The following PAFAH1B1 variants were observed in gnomAD, a reference collection of about 807,000 sequenced individuals.
PAFAH1B1 encodes platelet activating factor acetylhydrolase 1b regulatory subunit 1.
Under a neutral mutation model 57.5 loss-of-function variants are expected in PAFAH1B1, and 2 were observed. That is an observed-to-expected ratio of 0.03 (90% confidence interval 0.01 to 0.11). PAFAH1B1 has a LOEUF of 0.11. Among genes scored for constraint, PAFAH1B1 ranks in the 10% least tolerant of loss-of-function variants. PAFAH1B1 has a pLI of 1.00. For synonymous variants in PAFAH1B1, 152 were observed against 169.6 expected (o/e 0.90, Z 0.81); for missense variants, 257 against 512.0 (o/e 0.50, Z 4.81).
intron 1 of PAFAH1B1, among the ~76,000 whole-genome samples, chr17:2,618,601 C>G (rs901356636): frequency 6.6e-6 from 1 of 151,910 alleles, no homozygotes; most frequent in Non-Finnish European, 1.5e-5. Context: ...AATTATTTGA[C>G]TGCATTATAG....
chr17:2,611,481 A>T (rs530344487), intron 1 of PAFAH1B1, among the ~76,000 whole-genome samples: 2 of 152,012 alleles, frequency 1.3e-5, no homozygotes, highest in South Asian at 4.2e-4. Flanking sequence ...GCAAAAAAAA[A>T]AAATAAAAAA....
intron 7 of PAFAH1B1, among the ~76,000 whole-genome samples, chr17:2,673,441 C>T (rs1196825914): frequency 6.6e-6 from 1 of 152,008 alleles, no homozygotes; most frequent in Non-Finnish European, 1.5e-5. Flanking sequence ...AGATCGAGAC[C>T]GTCCTGGCTA....
chr17:2,660,216 T>A (rs2068996358), intron 2 of PAFAH1B1, among the ~76,000 whole-genome samples: 2 of 152,158 alleles, frequency 1.3e-5, no homozygotes, highest in Admixed American at 1.3e-4. Context: ...CTTAGCCTTT[T>A]CAGTGTATCT....
chr17:2,652,918 GTA>G (rs1282684144), intron 2 of PAFAH1B1, among the ~76,000 whole-genome samples: 4 of 152,176 alleles, frequency 2.6e-5, no homozygotes, highest in South Asian at 4.1e-4. Context: ...CCATTACTGG[GTA>G]TATATACCCA....
intron 1 of PAFAH1B1, among the ~76,000 whole-genome samples, chr17:2,633,365 G>C (rs1284345542): frequency 6.6e-6 from 1 of 151,178 alleles, no homozygotes; most frequent in Non-Finnish European, 1.5e-5. Context: ...ATGGGGTTTC[G>C]CCATGTTGGT....
chr17:2,593,758 A>C lies in PAFAH1B1; in HGVS notation c.-439A>C. On this transcript the variant is annotated 5_prime_UTR_variant, in exon 1 of 11. Transcript: ENST00000397195. Reference sequence around the variant, plus strand: ...GGGAGTCTAGGGAGCGAGAAGGAGAAGGAGGGGAGCGCTCGGGCGCGAGCG... The same window carrying C: ...GGGAGTCTAGGGAGCGAGAAGGAGACGGAGGGGAGCGCTCGGGCGCGAGCG... The C allele has an allele frequency of 2.6e-6, 1 of 377,444 alleles. No individual in the cohort carries two copies. Among genetic ancestry groups the C allele is most frequent in the Non-Finnish European group, 4.7e-6 (1 of 212,636 alleles). The allele number at this position is 377,444 out of a possible 1,614,324, so 23.4% of individuals were successfully genotyped here.
At chr17:2,637,556 C>G (rs1268051360) in intron 1 of PAFAH1B1, among the ~76,000 whole-genome samples, 1 of 152,090 alleles carries the variant, frequency 6.6e-6, no homozygotes, top group African/African-American at 2.4e-5. Flanking sequence ...TGCACTCCAA[C>G]CTGTGTGAGA....
chr17:2,675,070 C>T (rs557862125), intron 8 of PAFAH1B1, among the ~76,000 whole-genome samples: 7 of 152,278 alleles, frequency 4.6e-5, no homozygotes, highest in South Asian at 4.1e-4. Flanking sequence ...AGCGTGATCT[C>T]GGCTCACTGC....
At chr17:2,595,191 A>G (rs2068071486) in intron 1 of PAFAH1B1, among the ~76,000 whole-genome samples, 1 of 152,172 alleles carries the variant, frequency 6.6e-6, no homozygotes, top group Admixed American at 6.5e-5. Context: ...CCGGACAAAT[A>G]GAGATATTAC....
rs372088536 is a variant in PAFAH1B1, at chr17:2,595,332, C to A, written c.-191+1326C>A. On this transcript the variant is annotated intron_variant, in intron 1 of 10. Coordinates refer to ENST00000397195, the MANE Select transcript of PAFAH1B1 (RefSeq NM_000430.4). The stretch of plus-strand genomic sequence containing the variant: ...GGGGTGGGTTATTTTGTGTGAATTT[C>A]TTTTCGAGGCTAGGGCGGAGGAGAC... Among the ~76,000 whole-genome samples the A allele has an allele frequency of 2.6e-4, 39 of 151,404 alleles. No individual in the cohort carries two copies. The East Asian group carries it at 5.2e-3, about 20-fold the overall frequency.
chr17:2,673,651 C>A (rs1309289014), intron 7 of PAFAH1B1: 7 of 180,304 alleles, frequency 3.9e-5, no homozygotes, highest in African/African-American at 7.2e-5. Context: ...AAAAAAAAAA[C>A]AAAAAGTAAA....
At chr17:2,598,850 C>G (rs1253265929) in intron 1 of PAFAH1B1, among the ~76,000 whole-genome samples, 1 of 152,082 alleles carries the variant, frequency 6.6e-6, no homozygotes, top group African/African-American at 2.4e-5. Flanking sequence ...TTTGGCATGG[C>G]ACTTTTTGGC....
chr17:2,617,050 G>A (rs182876125), intron 1 of PAFAH1B1, among the ~76,000 whole-genome samples: 144 of 152,254 alleles, frequency 9.5e-4, no homozygotes, highest in African/African-American at 3.4e-3. Flanking sequence ...TCCAGCCTGG[G>A]CGACAGAACG....
At chr17:2,679,480 GGATGGATGGATGGATGGATGATT>G (rs1487362365) in intron 9 of PAFAH1B1, among the ~76,000 whole-genome samples, 1 of 6,052 alleles carries the variant, frequency 1.7e-4, no homozygotes, top group Non-Finnish European at 3.8e-4. Flanking sequence ...ATGGATGATT[GGATGGATGGATGGATGGATGATT>G]GGATGGATGG....
chr17:2,617,612 A>T (rs2068361860), intron 1 of PAFAH1B1, among the ~76,000 whole-genome samples: 1 of 152,152 alleles, frequency 6.6e-6, no homozygotes, highest in Non-Finnish European at 1.5e-5. Flanking sequence ...TAAGAAGTAG[A>T]CGTGTTAAAG....
rs750928242 is a variant in PAFAH1B1, at chr17:2,671,216, G to GT, written c.568+895dup. On this transcript the variant is annotated intron_variant, in intron 6 of 10. Transcript: ENST00000397195. ...GTTTTTTTGTTGTTGTTTTTTGGTTGTTTTTTTTTTGAGACTGTGTCTCAC... is the reference window on the plus strand; with the variant it reads ...GTTTTTTTGTTGTTGTTTTTTGGTTGTTTTTTTTTTTGAGACTGTGTCTCAC... 2.1e-3 allele frequency among the ~76,000 whole-genome samples: 311 copies of GT among 148,394 alleles called. 1 individual carries two copies. The highest frequency in any genetic ancestry group is 7.5e-3 in the East Asian group (38 of 5,078).
intron 1 of PAFAH1B1, among the ~76,000 whole-genome samples, chr17:2,611,097 G>GTCTGTCTTC (rs925946220): frequency 2.0e-5 from 3 of 152,074 alleles, no homozygotes; most frequent in African/African-American, 7.2e-5. Context: ...CTTCATCCTT[G>GTCTGTCTTC]TCTGTCTTCT....
chr17:2,624,562 C>G (rs547454499), intron 1 of PAFAH1B1, among the ~76,000 whole-genome samples: 1 of 152,224 alleles, frequency 6.6e-6, no homozygotes, highest in Non-Finnish European at 1.5e-5. Flanking sequence ...AATGGAAACC[C>G]CTGATAAACC....
intron 2 of PAFAH1B1, among the ~76,000 whole-genome samples, chr17:2,652,604 G>A (rs940321680): frequency 9.2e-5 from 14 of 152,146 alleles, no homozygotes; most frequent in Admixed American, 5.2e-4. Flanking sequence ...TTGGAAAGCG[G>A]TTTTTCCCTG....
Sources: allele counts gnomAD v4.1 joint callset (sites outside exome capture counted in the v4.1 genomes callset), GRCh38; gene constraint gnomAD v4.1.1; transcripts MANE v1.5; gene names NCBI Gene and HGNC (gene_info 2026-07-23, HGNC 2026-07-21).